SORBS2: variants seen among roughly 807,000 people sequenced by gnomAD.
SORBS2 encodes the protein sorbin and SH3 domain containing 2.
SORBS2 carries 46 observed loss-of-function variants against 97.7 expected under a neutral mutation model. The observed-to-expected ratio is 0.47, with a 90% CI of 0.37 to 0.60. The LOEUF (loss-of-function observed/expected upper bound fraction) is 0.60, where lower values mean the gene tolerates loss of function less well. SORBS2 is among the 20% of genes least tolerant of loss of function. The probability of loss-of-function intolerance (pLI) is 0.00; values close to 1 mark genes in which losing one functional copy is unlikely to be tolerated. For synonymous variants in SORBS2, 476 were observed against 473.4 expected, an observed-to-expected ratio of 1.01 and a Z score of -0.07; for missense variants, 1,316 against 1,282.3, an observed-to-expected ratio of 1.03 and a Z score of -0.40.
chr4:185,928,999 A>T (rs1032407632), intron 1 of SORBS2, among the ~76,000 whole-genome samples: 2 of 152,208 alleles, frequency 1.3e-5, no homozygotes, highest in African/African-American at 4.8e-5. Flanking sequence ...TGCTGGCCAA[A>T]GGAAAAACTA....
At chr4:185,670,749 C>T (rs1309809404) in intron 4 of SORBS2, among the ~76,000 whole-genome samples, 1 of 152,046 alleles carries the variant, frequency 6.6e-6, no homozygotes, top group Admixed American at 6.5e-5. Flanking sequence ...AAATGTGCCC[C>T]CTCTTTTCAT....
Position 185,684,828 on chromosome 4 carries a change from C to T in SORBS2, c.-197-6006G>A, listed in dbSNP as rs763968308. On this transcript the variant is annotated intron_variant, in intron 2 of 20. Coordinates refer to the SORBS2 transcript ENST00000284776. The surrounding 1 kb of genome is among the most constrained non-coding windows in gnomAD (Gnocchi z 4.2). ...CGTAACAGACATGGCGGCACGTTTG[C>T]GAGCACACCCACCGCTATCTGGAAG... The T allele has an allele frequency of 4.3e-5, 67 of 1,551,642 alleles. No individual in the cohort carries two copies. The highest frequency in any genetic ancestry group is 3.3e-4 in the South Asian group (28 of 84,048).
intron 7 of SORBS2, 98 bp from the exon 20 acceptor site, chr4:185,620,249 A>T (rs2096697759): frequency 5.0e-6 from 4 of 792,630 alleles, no homozygotes; most frequent in Non-Finnish European, 9.0e-6. Context: ...TTTTTCCCCA[A>T]ATTTGGAGAG....
chr4:185,775,928 G>A (rs1282196290), intron 1 of SORBS2: 1 of 152,180 alleles, frequency 6.6e-6, no homozygotes, highest in Non-Finnish European at 1.5e-5. Flanking sequence ...GTTAAGCGTT[G>A]ACATCTCTTA....
At chr4:185,782,441 C>T (rs956323901) in intron 1 of SORBS2, among the ~76,000 whole-genome samples, 1 of 152,196 alleles carries the variant, frequency 6.6e-6, no homozygotes, top group African/African-American at 2.4e-5. Flanking sequence ...CCATGTGATA[C>T]TCTACTAGGG....
chr4:185,806,961 A>G (rs1220168391), intron 1 of SORBS2, among the ~76,000 whole-genome samples: 2 of 152,156 alleles, frequency 1.3e-5, no homozygotes, highest in Non-Finnish European at 2.9e-5. Flanking sequence ...ATTTCTAACA[A>G]TGGATTGGAT....
chr4:185,591,191 C>T (rs2095922753), intron 13 of SORBS2, among the ~76,000 whole-genome samples: 1 of 152,194 alleles, frequency 6.6e-6, no homozygotes, highest in South Asian at 2.1e-4. Context: ...GAGTTGGCTT[C>T]AGAGAATGCC....
intron 1 of SORBS2, among the ~76,000 whole-genome samples, chr4:185,864,767 C>T (rs1488042536): frequency 6.6e-6 from 1 of 151,986 alleles, no homozygotes; most frequent in Non-Finnish European, 1.5e-5. Flanking sequence ...AAAAAATTAC[C>T]CGGGCATGGT....
chr4:185,619,524 C>T (rs2153417445), intron 8 of SORBS2, among the ~76,000 whole-genome samples: 1 of 152,324 alleles, frequency 6.6e-6, no homozygotes, highest in East Asian at 1.9e-4. Flanking sequence ...TGAGCAAGAA[C>T]TCTAGCCCCG....
intron 1 of SORBS2, among the ~76,000 whole-genome samples, chr4:185,826,420 A>G (rs1473848615): frequency 6.6e-6 from 1 of 152,200 alleles, no homozygotes; most frequent in African/African-American, 2.4e-5. Flanking sequence ...TGTCATGGAA[A>G]TCTTTCTGGA....
intron 1 of SORBS2, among the ~76,000 whole-genome samples, chr4:185,881,302 A>G (rs2099236761): frequency 1.3e-5 from 2 of 152,164 alleles, no homozygotes; most frequent in Admixed American, 1.3e-4. Flanking sequence ...GACAACAATG[A>G]TCCAAATAAA....
chr4:185,710,572 C>T (rs1446400184), intron 2 of SORBS2, among the ~76,000 whole-genome samples: 1 of 152,198 alleles, frequency 6.6e-6, no homozygotes, highest in African/African-American at 2.4e-5. Context: ...CAAGTTTTTT[C>T]TTTCCTACAT....
chr4:185,637,505 T>C (rs1469130840), intron 4 of SORBS2, among the ~76,000 whole-genome samples: 2 of 152,270 alleles, frequency 1.3e-5, no homozygotes, highest in African/African-American at 4.8e-5. Context: ...CAGTATATTA[T>C]AGTGAGAACT....
At chr4:185,826,319 G>T (rs1561209507) in intron 1 of SORBS2, among the ~76,000 whole-genome samples, 2 of 152,168 alleles carry the variant, frequency 1.3e-5, no homozygotes, top group African/African-American at 4.8e-5. Flanking sequence ...TAGCTGAGGT[G>T]CCTATGCTCA....
intron 4 of SORBS2, among the ~76,000 whole-genome samples, chr4:185,670,729 C>A (rs2097700492): frequency 1.3e-5 from 2 of 151,932 alleles, no homozygotes; most frequent in African/African-American, 4.8e-5. Flanking sequence ...ATCCACACAT[C>A]CTTTAGGGAA....
intron 2 of SORBS2, among the ~76,000 whole-genome samples, chr4:185,707,274 T>G (rs973734052): frequency 6.6e-6 from 1 of 152,152 alleles, no homozygotes; most frequent in African/African-American, 2.4e-5. Flanking sequence ...AAGTAGTGAG[T>G]GAAGCTTGGG....
chr4:185,675,737 AT>A (rs1043957301), intron 4 of SORBS2, among the ~76,000 whole-genome samples: 5 of 152,228 alleles, frequency 3.3e-5, no homozygotes, highest in African/African-American at 1.2e-4. Context: ...TGTTATTATT[AT>A]TATTATCATC....
intron 11 of SORBS2, among the ~76,000 whole-genome samples, chr4:185,613,440 G>C (rs2096573448): frequency 6.6e-6 from 1 of 152,110 alleles, no homozygotes; most frequent in Admixed American, 6.5e-5. Flanking sequence ...ATGAGGTCAG[G>C]AGTTCGAGAC....
intron 4 of SORBS2, among the ~76,000 whole-genome samples, chr4:185,631,783 CA>C (rs2153434240): frequency 8.5e-6 from 1 of 117,634 alleles, no homozygotes; most frequent in South Asian, 3.2e-4. Flanking sequence ...AAACAAAAAA[CA>C]ACAAAAAAAC....
Sources: allele counts gnomAD v4.1 joint callset (sites outside exome capture counted in the v4.1 genomes callset), GRCh38; gene constraint gnomAD v4.1.1; non-coding constraint Gnocchi (gnomAD v3.1); transcripts MANE v1.5; gene names NCBI Gene and HGNC (gene_info 2026-07-23, HGNC 2026-07-21).